KLHL18: variants seen among roughly 807,000 people sequenced by gnomAD.
KLHL18 encodes the protein kelch-like protein 18.
Under a neutral mutation model 58.5 loss-of-function variants are expected in KLHL18, and 38 were observed. That is an observed-to-expected ratio of 0.65 (90% CI 0.50 to 0.85). KLHL18 has a LOEUF of 0.85. KLHL18 is among the 40% of genes least tolerant of loss of function. The probability of loss-of-function intolerance (pLI) is 0.00; values close to 1 mark genes in which losing one functional copy is unlikely to be tolerated. For missense variants in KLHL18, 624 were observed against 778.4 expected, an observed-to-expected ratio of 0.80 and a Z score of 2.36; for synonymous variants, 303 against 301.9, an observed-to-expected ratio of 1.00 and a Z score of -0.04.
chr3:47,325,885 C>T (rs889365442), intron 3 of KLHL18, among the ~76,000 whole-genome samples: 1 of 151,980 alleles, frequency 6.6e-6, no homozygotes, highest in African/African-American at 2.4e-5. Context: ...TCTCCTGCCT[C>T]AGCCTCCGGA....
Position 47,282,982 on chromosome 3 carries a change from C to A in KLHL18, c.17C>A (p.Ala6Glu). 1 of 1,610,796 alleles carries A rather than the reference C, an allele frequency of 6.2e-7. No individual in the cohort carries two copies. The highest frequency in any genetic ancestry group is 1.3e-5 in the African/African-American group (1 of 74,968). ...CCGGGGAAGATGGTGGAGGACGGCG[C>A]GGAGGAGCTGGAGGATCTGGTGCAC... is the stretch of plus-strand genomic sequence containing the variant. MVEDG[A>E]EELEDLVHFS... Residue 6 changes from alanine to glutamate, a missense_variant, in exon 1 of 10, where the codon GCG becomes GAG. Transcript: ENST00000232766.
intron 1 of KLHL18, among the ~76,000 whole-genome samples, chr3:47,287,859 G>A (rs1398258812): frequency 1.3e-5 from 2 of 152,206 alleles, no homozygotes; most frequent in East Asian, 3.9e-4. Flanking sequence ...TGTTCAACCT[G>A]CCATTTTGAA....
At chr3:47,307,184 G>A (rs1451499074) in intron 1 of KLHL18, among the ~76,000 whole-genome samples, 1 of 152,106 alleles carries the variant, frequency 6.6e-6, no homozygotes, top group Non-Finnish European at 1.5e-5. Context: ...CGATTCTCCT[G>A]CTTCAGCCTC....
rs397744565 is a variant in KLHL18, at chr3:47,305,334, GTTTTTTTTT to G, written c.130-14304_130-14296del. The stretch of plus-strand genomic sequence containing the variant: ...ATGGATGAGTGCTGAATTTTGTCAA[GTTTTTTTTT>G]TTTTTTTTTTTTTTGCATGGAGAGG... On this transcript the variant is annotated intron_variant, in intron 1 of 9. Transcript: ENST00000232766. Among the ~76,000 whole-genome samples, 52 of 70,368 alleles carry G rather than the reference GTTTTTTTTT, an allele frequency of 7.4e-4. 1 individual carries two copies. In the South Asian group the frequency reaches 0.034, roughly 47 times the overall value. 46.2% of individuals were successfully genotyped at this position (70,368 alleles called of 152,430 possible). A position where few individuals can be genotyped will look rare whatever the true frequency, so the allele number is the denominator to read the frequency against.
intron 1 of KLHL18, among the ~76,000 whole-genome samples, chr3:47,312,091 A>G (rs1703315253): frequency 6.6e-6 from 1 of 152,228 alleles, no homozygotes; most frequent in Admixed American, 6.5e-5. Context: ...AAGTCCCATG[A>G]TTGCCCCAAA....
intron 1 of KLHL18, among the ~76,000 whole-genome samples, chr3:47,290,125 G>C (rs1702760600): frequency 6.6e-6 from 1 of 152,224 alleles, no homozygotes; most frequent in African/African-American, 2.4e-5. Context: ...TAACACAGCT[G>C]TTTATTGGTG....
intron 3 of KLHL18, among the ~76,000 whole-genome samples, chr3:47,328,554 A>G (rs1398139606): frequency 6.6e-6 from 1 of 152,054 alleles, no homozygotes; most frequent in East Asian, 1.9e-4. Flanking sequence ...GCCAGGATTT[A>G]TCCTGGGTTT....
intron 1 of KLHL18, among the ~76,000 whole-genome samples, chr3:47,291,639 A>G (rs116196627): frequency 0.016 from 2,425 of 152,346 alleles, 33 homozygotes; most frequent in Middle Eastern, 0.027. Context: ...TCCGTTGCCT[A>G]TAGTTTACTG....
intron 1 of KLHL18, among the ~76,000 whole-genome samples, chr3:47,319,398 T>G (rs1703530771): frequency 6.6e-6 from 1 of 152,214 alleles, no homozygotes; most frequent in African/African-American, 2.4e-5. Context: ...GGCTTAAATT[T>G]TTTAGCTGTT....
At chr3:47,298,497 C>A (rs368662170) in intron 1 of KLHL18, among the ~76,000 whole-genome samples, 1 of 151,982 alleles carries the variant, frequency 6.6e-6, no homozygotes, top group Non-Finnish European at 1.5e-5. Context: ...ATCATTTATT[C>A]GACAAATACT....
At chr3:47,335,620 G>A (rs1293643982) in intron 6 of KLHL18, among the ~76,000 whole-genome samples, 2 of 151,998 alleles carry the variant, frequency 1.3e-5, no homozygotes, top group East Asian at 3.8e-4. Flanking sequence ...CAATTCTCCC[G>A]CCTTAGCCTC....
chr3:47,299,071 A>G (rs1423350697), intron 1 of KLHL18, among the ~76,000 whole-genome samples: 11 of 152,250 alleles, frequency 7.2e-5, no homozygotes, highest in Admixed American at 7.2e-4. Flanking sequence ...TATGTCATAC[A>G]GTTTGTGTAT....
At chr3:47,313,413 A>G (rs115595028) in intron 1 of KLHL18, among the ~76,000 whole-genome samples, 4,576 of 151,758 alleles carry the variant, frequency 0.03, 92 homozygotes, top group Middle Eastern at 0.048. Flanking sequence ...TTGTAAACAC[A>G]TGGTCTTGCC....
Position 47,343,953 on chromosome 3 carries a change from G to C in KLHL18, c.*12G>C, listed in dbSNP as rs757047236. ...TCCTCACCATCTAAGGCAGAGGATG[G>C]GATGTGGTGGGGCAGGGATCTGGTA... On this transcript the variant is annotated 3_prime_UTR_variant, in exon 10 of 10. Transcript: ENST00000232766. 6.2e-7 allele frequency: 1 copy of C among 1,611,178 alleles called. No homozygotes were observed. Among genetic ancestry groups the C allele is most frequent in the South Asian group, 1.1e-5 (1 of 91,060 alleles).
intron 1 of KLHL18, among the ~76,000 whole-genome samples, chr3:47,311,336 T>G (rs1298009043): frequency 6.6e-6 from 1 of 152,166 alleles, no homozygotes; most frequent in Non-Finnish European, 1.5e-5. Context: ...ATAGCTGTTC[T>G]TGAATCATGG....
chr3:47,301,590 C>T (rs996987992), intron 1 of KLHL18, among the ~76,000 whole-genome samples: 2 of 152,120 alleles, frequency 1.3e-5, no homozygotes, highest in African/African-American at 4.8e-5. Flanking sequence ...TTGTTCCTGT[C>T]CCTTCACCAA....
At chr3:47,312,023 C>T (rs1463861398) in intron 1 of KLHL18, among the ~76,000 whole-genome samples, 2 of 152,234 alleles carry the variant, frequency 1.3e-5, no homozygotes, top group Admixed American at 1.3e-4. Context: ...TAGTCTTTCT[C>T]ATTTGAATTG....
intron 2 of KLHL18, among the ~76,000 whole-genome samples, chr3:47,320,873 A>G (rs968131046): frequency 1.3e-5 from 2 of 152,174 alleles, no homozygotes; most frequent in Non-Finnish European, 2.9e-5. Flanking sequence ...TGATCACACC[A>G]CTACACTCCA....
At chr3:47,333,375 T>C (rs951340492) in intron 5 of KLHL18, 58 bp downstream of exon 5, 1 of 1,515,154 alleles carries the variant, frequency 6.6e-7, no homozygotes, top group Non-Finnish European at 9.0e-7. Flanking sequence ...GGAAGAGGAG[T>C]TGGCCACCTG....
Sources: allele counts gnomAD v4.1 joint callset (sites outside exome capture counted in the v4.1 genomes callset), GRCh38; gene constraint gnomAD v4.1.1; transcripts MANE v1.5; gene names NCBI Gene and HGNC (gene_info 2026-07-23, HGNC 2026-07-21).